Variants in TSHZ3 observed in about 807,000 individuals in gnomAD.
TSHZ3 encodes teashirt homolog 3.
Under a neutral mutation model 64.5 loss-of-function variants are expected in TSHZ3, and 10 were observed. The observed-to-expected ratio is 0.16, with a 90% CI of 0.10 to 0.26. The LOEUF (loss-of-function observed/expected upper bound fraction) is 0.26, where lower values mean the gene tolerates loss of function less well. Among genes scored for constraint, TSHZ3 ranks in the 10% least tolerant of loss-of-function variants. The pLI, the probability that TSHZ3 is intolerant of heterozygous loss-of-function variation, is 1.00. For missense variants in TSHZ3, 1,242 were observed against 1,421.7 expected, an observed-to-expected ratio of 0.87 and a Z score of 2.03; for synonymous variants, 608 against 593.1, an observed-to-expected ratio of 1.03 and a Z score of -0.36.
intron 1 of TSHZ3, among the ~76,000 whole-genome samples, chr19:31,320,734 G>T (rs546246635): frequency 6.6e-6 from 1 of 152,314 alleles, no homozygotes; most frequent in East Asian, 1.9e-4. Flanking sequence ...CACCCAGGCT[G>T]CAGGGAGGAA....
chr19:31,191,754 G>A (rs112288637), intron 5 of TSHZ3, among the ~76,000 whole-genome samples: 42 of 152,034 alleles, frequency 2.8e-4, no homozygotes, highest in East Asian at 9.7e-4. Flanking sequence ...AGCTATTTGG[G>A]AGGCTGAGGT....
At chr19:31,236,581 C>T (rs1049254642) in intron 3 of TSHZ3, among the ~76,000 whole-genome samples, 4 of 152,166 alleles carry the variant, frequency 2.6e-5, no homozygotes, top group East Asian at 1.9e-4. Context: ...CTTCCATTCC[C>T]TTAGGAGTGT....
chr19:31,255,991 G>C (rs1975904151), intron 1 of TSHZ3, among the ~76,000 whole-genome samples: 1 of 152,122 alleles, frequency 6.6e-6, no homozygotes, highest in Non-Finnish European at 1.5e-5. Context: ...GGAAGCGGAG[G>C]GGTGTGGGGT....
At position 31,278,166 on chromosome 19, in the gene TSHZ3, T is replaced by A; in HGVS notation, c.1627A>T (p.Ser543Cys). Residue 543 changes from serine to cysteine, a missense_variant, in exon 2 of 2, where the codon AGC becomes TGC. Coordinates refer to ENST00000240587, the MANE Select transcript of TSHZ3 (RefSeq NM_020856.4). This position sits in a 1 kb window ranked among gnomAD's most constrained non-coding sequence, Gnocchi z 4.7. The stretch of plus-strand genomic sequence containing the variant: ...TGGATGCTGGGATAGCCCCCCCAGC[T>A]AGGAGTGCCGTTCTGGGCCTTGTTG... ...AINKAQNGTP[S>C]WGGYPSIHAA... 2.5e-6 allele frequency: 4 copies of A among 1,614,150 alleles called. No homozygotes were observed. The highest frequency in any genetic ancestry group is 3.4e-6 in the Non-Finnish European group (4 of 1,180,008).
At chr19:31,241,251 C>A (rs923662442) in intron 3 of TSHZ3, among the ~76,000 whole-genome samples, 1 of 152,098 alleles carries the variant, frequency 6.6e-6, no homozygotes, top group Non-Finnish European at 1.5e-5. Context: ...AAGGTATTTC[C>A]CAAGCCCCTC....
rs186720403 is a variant in TSHZ3 at position 31,222,654 on chromosome 19, A to G, written n.686+5351T>C. ...CTTCAGTTTCTTTTCTGTATCTTCT[A>G]CGGGGCTTAGCACAGGGACTTCCTT... On this transcript the variant is annotated intron_variant and non_coding_transcript_variant, in intron 4 of 6. Coordinates refer to the TSHZ3 transcript ENST00000651361. Among the ~76,000 whole-genome samples the G allele has an allele frequency of 1.3e-4, 20 of 152,282 alleles. No homozygotes were observed. The East Asian group carries it at 3.3e-3, about 25-fold the overall frequency.
At chr19:31,287,198 T>A (rs1976478698) in intron 1 of TSHZ3, among the ~76,000 whole-genome samples, 1 of 152,146 alleles carries the variant, frequency 6.6e-6, no homozygotes, top group Non-Finnish European at 1.5e-5. Context: ...AAAGAAAGTA[T>A]GGCTGTGTCC....
At chr19:31,217,909 G>A (rs192812043) in intron 4 of TSHZ3, among the ~76,000 whole-genome samples, 52 of 152,256 alleles carry the variant, frequency 3.4e-4, no homozygotes, top group Non-Finnish European at 5.7e-4. Context: ...GAATGATACA[G>A]TATGTAAAGC....
At chr19:31,170,967 A>G (rs1974527257) in intron 5 of TSHZ3, among the ~76,000 whole-genome samples, 1 of 152,232 alleles carries the variant, frequency 6.6e-6, no homozygotes, top group Non-Finnish European at 1.5e-5. Context: ...TTCAGCAATC[A>G]GTTTAATTAC....
intron 1 of TSHZ3, among the ~76,000 whole-genome samples, chr19:31,327,275 C>T (rs985317657): frequency 6.6e-6 from 1 of 152,208 alleles, no homozygotes; most frequent in African/African-American, 2.4e-5. Flanking sequence ...TCTGGGCTAC[C>T]GCTGCACATT....
chr19:31,333,731 C>G (rs1434756926), intron 1 of TSHZ3, among the ~76,000 whole-genome samples: 2 of 152,116 alleles, frequency 1.3e-5, no homozygotes, highest in Non-Finnish European at 2.9e-5. Context: ...AGTGAGCCAT[C>G]ATCCTGGGAC....
intron 1 of TSHZ3, among the ~76,000 whole-genome samples, chr19:31,337,911 G>C (rs1038278135): frequency 1.1e-4 from 16 of 152,212 alleles, no homozygotes; most frequent in Admixed American, 6.5e-4. Flanking sequence ...CATTTCTTTA[G>C]GTAGAAAAAC....
intron 1 of TSHZ3, among the ~76,000 whole-genome samples, chr19:31,323,770 T>C (rs1916845950): frequency 6.6e-6 from 1 of 151,478 alleles, no homozygotes; most frequent in Non-Finnish European, 1.5e-5. Flanking sequence ...CCATCCACAA[T>C]CACCTTCCCA....
In TSHZ3 at chr19:31,167,890, C is replaced by T. The variant is rs376040778; in HGVS notation, n.810-11473G>A. 4.6e-5 allele frequency: 7 copies of T among 152,316 alleles called. No individual in the cohort carries two copies. In the South Asian group the frequency reaches 6.2e-4, roughly 14 times the overall value. 9.4% of individuals were successfully genotyped at this position (152,316 alleles called of 1,614,324 possible). A position where few individuals can be genotyped will look rare whatever the true frequency, so the allele number is the denominator to read the frequency against. On this transcript the variant is annotated intron_variant and non_coding_transcript_variant, in intron 5 of 6. Coordinates refer to the TSHZ3 transcript ENST00000651361. ...CGCTTCCCTTTAGAACACGCAGAGG[C>T]GTTTCCTCTTTACTTTCAAGTTACT...
In TSHZ3 at chr19:31,205,990, T is replaced by A. The variant is rs116737296; in HGVS notation, n.687-912A>T. Reference sequence around the variant, plus strand: ...GGATGAGTAGGTGTGAGTGGATGAATAGATGGGTGGATGGATGCATGCATA... The same window carrying A: ...GGATGAGTAGGTGTGAGTGGATGAAAAGATGGGTGGATGGATGCATGCATA... On this transcript the variant is annotated intron_variant and non_coding_transcript_variant, in intron 4 of 6. Coordinates refer to the TSHZ3 transcript ENST00000651361. Among the ~76,000 whole-genome samples, 1,016 of 152,026 alleles carry A rather than the reference T, an allele frequency of 6.7e-3. 12 individuals carry two copies. The highest frequency in any genetic ancestry group is 0.023 in the African/African-American group (956 of 41,448).
Position 31,349,062 on chromosome 19 carries a change from GGAGTTACTCA to G in TSHZ3, c.40+108_40+117del. 9 of 1,309,250 alleles carry G rather than the reference GGAGTTACTCA, an allele frequency of 6.9e-6. No individual in the cohort carries two copies. The South Asian group carries it at 1.3e-4, about 19-fold the overall frequency. 81.1% of individuals were successfully genotyped at this position (1,309,250 alleles called of 1,614,324 possible). A position where few individuals can be genotyped will look rare whatever the true frequency, so the allele number is the denominator to read the frequency against. On this transcript the variant is annotated intron_variant, in intron 1 of 1. Transcript: ENST00000240587. The stretch of plus-strand genomic sequence containing the variant: ...GCACCCAAACAGGAGAGCGGCGCCC[GGAGTTACTCA>G]GTGCGGGCAGAAGAGCGGGGCGAGG...
At chr19:31,174,708 G>A (rs1461909104) in intron 5 of TSHZ3, among the ~76,000 whole-genome samples, 1 of 152,200 alleles carries the variant, frequency 6.6e-6, no homozygotes, top group African/African-American at 2.4e-5. Flanking sequence ...CTTTCTGTGT[G>A]TGATTTGAGA....
intron 4 of TSHZ3, among the ~76,000 whole-genome samples, chr19:31,208,149 C>T (rs1316618386): frequency 6.6e-6 from 1 of 152,104 alleles, no homozygotes; most frequent in Non-Finnish European, 1.5e-5. Flanking sequence ...TTTGGGGTCC[C>T]AAGCAACAAA....
At chr19:31,287,490 G>A (rs1976482770) in intron 1 of TSHZ3, among the ~76,000 whole-genome samples, 1 of 152,038 alleles carries the variant, frequency 6.6e-6, no homozygotes, top group South Asian at 2.1e-4. Flanking sequence ...GCAGGGAAAG[G>A]AGAAGAAAGG....
Sources: gnomAD v4.1 joint callset for allele counts (sites outside exome capture counted in the v4.1 genomes callset) on GRCh38, gnomAD v4.1.1 for gene constraint, Gnocchi (gnomAD v3.1) non-coding constraint, MANE v1.5 for transcripts, NCBI Gene and HGNC (gene_info 2026-07-23, HGNC 2026-07-21) for gene names.